The following OSBPL10 variants were observed in gnomAD, a reference collection of about 807,000 sequenced individuals.
OSBPL10 encodes oxysterol-binding protein-related protein 10.
In OSBPL10, 49 loss-of-function variants were observed where a neutral mutation model predicts 81.7. That is an observed-to-expected ratio of 0.60 (90% CI 0.48 to 0.76). The LOEUF (loss-of-function observed/expected upper bound fraction) is 0.76. Among genes scored for constraint, OSBPL10 ranks in the 30% least tolerant of loss-of-function variants. OSBPL10 has a pLI of 0.00. For synonymous variants in OSBPL10, 419 were observed against 383.6 expected, an observed-to-expected ratio of 1.09 and a Z score of -1.08; for missense variants, 923 against 987.8, an observed-to-expected ratio of 0.93 and a Z score of 0.88.
At chr3:31,974,695 T>A (rs1187924991) in intron 1 of OSBPL10, among the ~76,000 whole-genome samples, 1 of 152,134 alleles carries the variant, frequency 6.6e-6, no homozygotes, top group African/African-American at 2.4e-5. Context: ...TCAGTGGTGT[T>A]GAGGTCAGAA....
chr3:32,042,532 T>G (rs1168322410), intron 2 of OSBPL10, among the ~76,000 whole-genome samples: 1 of 152,086 alleles, frequency 6.6e-6, no homozygotes, highest in Non-Finnish European at 1.5e-5. Context: ...AAGATTTAGT[T>G]GTATGCTCTA....
At chr3:31,669,321 T>C (rs966504935) in intron 9 of OSBPL10, among the ~76,000 whole-genome samples, 14 of 152,142 alleles carry the variant, frequency 9.2e-5, no homozygotes, top group African/African-American at 3.4e-4. Flanking sequence ...CAAAATAGCA[T>C]ATACTCTGTC....
chr3:31,841,366 G>A (rs559905702), intron 3 of OSBPL10, among the ~76,000 whole-genome samples: 11 of 152,260 alleles, frequency 7.2e-5, no homozygotes, highest in African/African-American at 2.2e-4. Context: ...AAAGGAAAGC[G>A]CCTGACTCAC....
At chr3:31,844,144 G>A (rs1031728815) in intron 3 of OSBPL10, among the ~76,000 whole-genome samples, 2 of 152,218 alleles carry the variant, frequency 1.3e-5, no homozygotes, top group African/African-American at 2.4e-5. Context: ...TCAGGCAAAA[G>A]GGGACCCATG....
chr3:31,977,816 A>G (rs768645401), intron 1 of OSBPL10, among the ~76,000 whole-genome samples: 1 of 152,200 alleles, frequency 6.6e-6, no homozygotes, highest in Non-Finnish European at 1.5e-5. Flanking sequence ...TTAAATATCT[A>G]TAATAATGAA....
chr3:31,945,016 T>C (rs1402295482), intron 1 of OSBPL10, among the ~76,000 whole-genome samples: 1 of 151,348 alleles, frequency 6.6e-6, no homozygotes, highest in Non-Finnish European at 1.5e-5. Flanking sequence ...CTGGGCGTGG[T>C]GGCACACATG....
At chr3:31,902,051 A>G (rs1191154095) in intron 1 of OSBPL10, among the ~76,000 whole-genome samples, 1 of 152,098 alleles carries the variant, frequency 6.6e-6, no homozygotes, top group Non-Finnish European at 1.5e-5. Context: ...CACCAAACAA[A>G]AAAGGGCATT....
chr3:31,889,508 T>C (rs895420190), intron 1 of OSBPL10, among the ~76,000 whole-genome samples: 3 of 151,638 alleles, frequency 2.0e-5, no homozygotes, highest in South Asian at 2.1e-4. Flanking sequence ...GCAACACAGA[T>C]GGAACTGAAG....
At chr3:31,973,501 A>C (rs973416798) in intron 1 of OSBPL10, among the ~76,000 whole-genome samples, 5 of 152,334 alleles carry the variant, frequency 3.3e-5, no homozygotes, top group Admixed American at 1.3e-4. Flanking sequence ...TGCGAGGTTC[A>C]TATCATTTTA....
At chr3:31,864,161 A>C (rs1701119797) in intron 3 of OSBPL10, among the ~76,000 whole-genome samples, 1 of 152,204 alleles carries the variant, frequency 6.6e-6, no homozygotes, top group South Asian at 2.1e-4. Context: ...GTACTGGTAT[A>C]TATGGGAGCA....
chr3:31,742,966 T>C (rs1251619042), intron 5 of OSBPL10, among the ~76,000 whole-genome samples: 1 of 151,544 alleles, frequency 6.6e-6, no homozygotes, highest in African/African-American at 2.4e-5. Flanking sequence ...CTGAAGTAGA[T>C]TTAGGAGCCA....
intron 4 of OSBPL10, among the ~76,000 whole-genome samples, chr3:31,782,889 A>G (rs2125772871): frequency 6.6e-6 from 1 of 152,214 alleles, no homozygotes; most frequent in East Asian, 1.9e-4. Flanking sequence ...ACATTCCTTG[A>G]AGTACTAAAA....
chr3:32,019,177 A>G (rs1326609994), intron 2 of OSBPL10, among the ~76,000 whole-genome samples: 1 of 152,204 alleles, frequency 6.6e-6, no homozygotes, highest in Non-Finnish European at 1.5e-5. Context: ...GGAGCTCTCC[A>G]AAATCCACAG....
Position 31,898,572 on chromosome 3 carries a change from C to T in OSBPL10, c.282-18742G>A, listed in dbSNP as rs1696131811. Among the ~76,000 whole-genome samples the T allele has an allele frequency of 2.2e-5, 3 of 134,456 alleles. No individual in the cohort carries two copies. The South Asian group carries it at 7.8e-4, about 35-fold the overall frequency. 88.2% of individuals were successfully genotyped at this position (134,456 alleles called of 152,430 possible). ...CCAGCCTGGGCAACATAGCAAGACC[C>T]TGTCTCTTAAAAAAAAAAAAAATCT... On this transcript the variant is annotated intron_variant, in intron 1 of 11. Transcript: ENST00000396556.
intron 3 of OSBPL10, among the ~76,000 whole-genome samples, chr3:31,841,031 C>T (rs976181772): frequency 2.6e-5 from 4 of 152,200 alleles, no homozygotes; most frequent in Non-Finnish European, 5.9e-5. Context: ...GCCTCAGCCT[C>T]CCCTGTAGCT....
chr3:31,989,532 C>T (rs4449357), intron 2 of OSBPL10: 359,520 of 1,613,946 alleles, frequency 0.22, 51,943 homozygotes, highest in African/African-American at 0.69. Flanking sequence ...ACAAGCCTAT[C>T]AAAGATCAGC....
At position 31,814,878 on chromosome 3, in the gene OSBPL10, G is replaced by A. The variant is rs546308094; in HGVS notation, c.729+15162C>T. On this transcript the variant is annotated intron_variant, in intron 4 of 11. Transcript: ENST00000396556. The stretch of plus-strand genomic sequence containing the variant: ...AAAGTGGCTTATTCCATAGATTAAA[G>A]TTGGCCAAGAATTCTTTGCTCTCTT... 2.1e-4 allele frequency among the ~76,000 whole-genome samples: 32 copies of A among 152,272 alleles called. No individual in the cohort carries two copies. The South Asian group carries it at 2.5e-3, about 12-fold the overall frequency.
chr3:31,932,552 TAA>T (rs1367372401), intron 1 of OSBPL10, among the ~76,000 whole-genome samples: 1 of 152,218 alleles, frequency 6.6e-6, no homozygotes, highest in African/African-American at 2.4e-5. Flanking sequence ...GGAAAATCTG[TAA>T]AGTTTTACAT....
rs140410478 is a variant in OSBPL10, at chr3:32,052,339, T to C, written n.186-5736A>G. On this transcript the variant is annotated intron_variant and non_coding_transcript_variant, in intron 1 of 3. Transcript: ENST00000479173. ...AGATTTGCTAAATGCTTTAATGTCA[T>C]AAACTGCTTCTTTGACTTTTGAAAA... is the stretch of plus-strand genomic sequence containing the variant. Among the ~76,000 whole-genome samples, 22 of 152,320 alleles carry C rather than the reference T, an allele frequency of 1.4e-4. 1 individual carries two copies. In the East Asian group the frequency reaches 4.1e-3, roughly 28 times the overall value.
Sources: allele counts gnomAD v4.1 joint callset (sites outside exome capture counted in the v4.1 genomes callset), GRCh38; gene constraint gnomAD v4.1.1; transcripts MANE v1.5; gene names NCBI Gene and HGNC (gene_info 2026-07-23, HGNC 2026-07-21).